PALLD: variants seen among roughly 807,000 people sequenced by gnomAD.
The protein encoded by PALLD is palladin.
A neutral mutation model predicts 123.5 loss-of-function variants in PALLD; 61 were observed. That is an observed-to-expected ratio of 0.49 (90% CI 0.40 to 0.61). The LOEUF (loss-of-function observed/expected upper bound fraction) is 0.61, where lower values mean the gene tolerates loss of function less well. Among genes scored for constraint, PALLD ranks in the 20% least tolerant of loss-of-function variants. The probability of loss-of-function intolerance (pLI) is 0.00; values close to 1 mark genes in which losing one functional copy is unlikely to be tolerated. For missense variants in PALLD, 1,273 were observed against 1,377.0 expected (o/e 0.92, Z 1.20); for synonymous variants, 465 against 496.4 (o/e 0.94, Z 0.84).
chr4:168,581,611 A>C (rs1770286714), intron 2 of PALLD, among the ~76,000 whole-genome samples: 2 of 151,936 alleles, frequency 1.3e-5, no homozygotes, highest in Non-Finnish European at 2.9e-5. Context: ...ATTGTTACTG[A>C]GTTACTCAGT....
intron 2 of PALLD, among the ~76,000 whole-genome samples, chr4:168,538,534 T>C (rs868663607): frequency 5.9e-5 from 9 of 152,126 alleles, no homozygotes; most frequent in African/African-American, 2.2e-4. Flanking sequence ...GACCTTGTTT[T>C]TCAAATGACC....
chr4:168,652,933 C>T (rs1778196250), intron 2 of PALLD, among the ~76,000 whole-genome samples: 1 of 152,130 alleles, frequency 6.6e-6, no homozygotes, highest in Non-Finnish European at 1.5e-5. Flanking sequence ...CTTTAGTGTT[C>T]AGCACACCAG....
chr4:168,571,523 A>G (rs1372653734), intron 2 of PALLD, among the ~76,000 whole-genome samples: 1 of 152,182 alleles, frequency 6.6e-6, no homozygotes, highest in Non-Finnish European at 1.5e-5. Flanking sequence ...ATCTAAGGAA[A>G]AAATTTTAAT....
intron 10 of PALLD, among the ~76,000 whole-genome samples, chr4:168,766,316 T>G (rs145429934): frequency 6.6e-6 from 1 of 152,384 alleles, no homozygotes; most frequent in Non-Finnish European, 1.5e-5. Flanking sequence ...TTTACTCCTT[T>G]ACTTTCTTAA....
chr4:168,660,072 C>T (rs74455151), intron 2 of PALLD, among the ~76,000 whole-genome samples: 3,554 of 152,260 alleles, frequency 0.023, 135 homozygotes, highest in African/African-American at 0.081. Flanking sequence ...CTTGGAGAAT[C>T]GGAGTGTTCT....
intron 10 of PALLD, among the ~76,000 whole-genome samples, chr4:168,735,835 C>T (rs368855966): frequency 3.3e-5 from 5 of 152,088 alleles, no homozygotes; most frequent in African/African-American, 4.8e-5. Flanking sequence ...TAGTTGTATC[C>T]GTTTTGACTC....
At chr4:168,639,354 G>A (rs1400921743) in intron 2 of PALLD, among the ~76,000 whole-genome samples, 1 of 152,198 alleles carries the variant, frequency 6.6e-6, no homozygotes, top group Non-Finnish European at 1.5e-5. Context: ...TGTCAAAATA[G>A]TTTAAACTGG....
intron 10 of PALLD, among the ~76,000 whole-genome samples, chr4:168,734,929 G>A (rs1332522651): frequency 6.6e-6 from 1 of 151,768 alleles, no homozygotes; most frequent in Non-Finnish European, 1.5e-5. Context: ...ATCTCTTAGA[G>A]AGAGAGAGAG....
chr4:168,647,014 A>G (rs1019493088), intron 2 of PALLD, among the ~76,000 whole-genome samples: 2 of 152,246 alleles, frequency 1.3e-5, no homozygotes, highest in African/African-American at 4.8e-5. Context: ...AACATGGCCT[A>G]CCTCTCAATG....
Position 168,592,018 on chromosome 4 carries a change from A to ATTT in PALLD, c.909-76158_909-76156dup, listed in dbSNP as rs10672786. ...TCGGCTACTCTTAGTACTATTATGG[A>ATTT]TTTTTTTTTTTTTTTTGAGATGGAG... On this transcript the variant is annotated intron_variant, in intron 2 of 21. Coordinates refer to ENST00000505667, the MANE Select transcript of PALLD (RefSeq NM_001166108.2). 1.0e-3 allele frequency among the ~76,000 whole-genome samples: 141 copies of ATTT among 138,958 alleles called. 1 individual carries two copies. The highest frequency in any genetic ancestry group is 2.9e-3 in the African/African-American group (108 of 37,448). 91.2% of individuals were successfully genotyped at this position (138,958 alleles called of 152,430 possible). A position where few individuals can be genotyped will look rare whatever the true frequency, so the allele number is the denominator to read the frequency against.
At position 168,773,917 on chromosome 4, in the gene PALLD, T is replaced by C. The variant is rs531248712; in HGVS notation, c.1964+61994T>C. ...AAATGCTCCAGCCATTTAACAAGTC[T>C]ATTTAACTTCATTTTCAATTTAACC... On this transcript the variant is annotated intron_variant, in intron 10 of 21. Transcript: ENST00000505667. Among the ~76,000 whole-genome samples the C allele has an allele frequency of 2.0e-5, 3 of 152,310 alleles. No homozygotes were observed. In the South Asian group the frequency reaches 6.2e-4, roughly 32 times the overall value.
chr4:168,582,561 T>C (rs1166135471), intron 2 of PALLD, among the ~76,000 whole-genome samples: 2 of 152,166 alleles, frequency 1.3e-5, no homozygotes, highest in Admixed American at 6.5e-5. Context: ...ATGTTAGCTA[T>C]GGGCTTGTCA....
At chr4:168,906,942 G>A (rs971045735) in intron 15 of PALLD, among the ~76,000 whole-genome samples, 1 of 152,164 alleles carries the variant, frequency 6.6e-6, no homozygotes, top group African/African-American at 2.4e-5. Flanking sequence ...GGGCAACACC[G>A]ATGATACTGA....
intron 10 of PALLD, among the ~76,000 whole-genome samples, chr4:168,786,969 G>C (rs1245422800): frequency 2.0e-5 from 3 of 152,118 alleles, no homozygotes; most frequent in Admixed American, 1.3e-4. Flanking sequence ...TTATAACAAG[G>C]TCTATATATC....
intron 10 of PALLD, among the ~76,000 whole-genome samples, chr4:168,855,287 C>T (rs1748441199): frequency 6.6e-6 from 1 of 152,034 alleles, no homozygotes; most frequent in Non-Finnish European, 1.5e-5. Flanking sequence ...GACAAGGTTT[C>T]ACCATGTTGA....
chr4:168,762,473 C>CA (rs899953679), intron 10 of PALLD, among the ~76,000 whole-genome samples: 13 of 148,068 alleles, frequency 8.8e-5, no homozygotes, highest in African/African-American at 9.9e-5. Context: ...GACCCTATCC[C>CA]AAAAAAAAAG....
chr4:168,760,521 G>T (rs971343881), intron 10 of PALLD, among the ~76,000 whole-genome samples: 4 of 152,080 alleles, frequency 2.6e-5, no homozygotes, highest in African/African-American at 9.7e-5. Flanking sequence ...AAGGGAGTAG[G>T]GGCGTACCGG....
intron 10 of PALLD, among the ~76,000 whole-genome samples, chr4:168,783,491 C>T (rs953253583): frequency 9.2e-5 from 14 of 151,908 alleles, no homozygotes; most frequent in African/African-American, 3.1e-4. Flanking sequence ...GTGATGAGAC[C>T]AGGAGGAGCA....
chr4:168,716,216 C>G (rs947576008), intron 10 of PALLD, among the ~76,000 whole-genome samples: 2 of 152,058 alleles, frequency 1.3e-5, no homozygotes, highest in East Asian at 1.9e-4. Context: ...AGCCTGTAGA[C>G]GAGCAAAATG....
Sources: allele counts gnomAD v4.1 joint callset (sites outside exome capture counted in the v4.1 genomes callset), GRCh38; gene constraint gnomAD v4.1.1; transcripts MANE v1.5; gene names NCBI Gene and HGNC (gene_info 2026-07-23, HGNC 2026-07-21).